The following NUP188 variants were observed in gnomAD, a reference collection of about 807,000 sequenced individuals.
NUP188 encodes nucleoporin NUP188.
NUP188 carries 97 observed loss-of-function variants against 223.0 expected under a neutral mutation model. The ratio of observed to expected loss-of-function variants is 0.43; its 90% CI spans 0.37 to 0.51. The LOEUF (loss-of-function observed/expected upper bound fraction) is 0.51, where lower values mean the gene tolerates loss of function less well. NUP188 is among the 20% of genes least tolerant of loss of function. The pLI is 0.00. For missense variants in NUP188, 1,947 were observed against 2,175.6 expected, an observed-to-expected ratio of 0.89 and a Z score of 2.09; for synonymous variants, 869 against 828.0, an observed-to-expected ratio of 1.05 and a Z score of -0.85.
At chr9:128,950,978 G>T (rs1775295679) in intron 2 of NUP188, among the ~76,000 whole-genome samples, 1 of 152,042 alleles carries the variant, frequency 6.6e-6, no homozygotes. Context: ...CTTGGCTGCT[G>T]AGAGTAGGGG....
At position 129,003,466 on chromosome 9, in the gene NUP188, A is replaced by G; in HGVS notation, c.4434+12A>G. ...TGCGTGATATCCAGGTGGGGGCCCA[A>G]GATGGTGTCTTGGAGTCTGGGGTAA... On this transcript the variant is annotated intron_variant, in intron 38 of 43. Coordinates refer to ENST00000372577, the MANE Select transcript of NUP188 (RefSeq NM_015354.3). 2 of 1,607,482 alleles carry G rather than the reference A, an allele frequency of 1.2e-6. No homozygotes were observed. Among genetic ancestry groups the G allele is most frequent in the African/African-American group, 1.3e-5 (1 of 75,042 alleles).
At chr9:128,955,099 C>T (rs1317698428) in intron 3 of NUP188, among the ~76,000 whole-genome samples, 1 of 151,984 alleles carries the variant, frequency 6.6e-6, no homozygotes, top group Admixed American at 6.6e-5. Flanking sequence ...GATCCGCCCG[C>T]CTCAGCCTCC....
chr9:129,003,044 C>T (rs1842702318), intron 37 of NUP188, 69 bp downstream of exon 37: 2 of 1,547,280 alleles, frequency 1.3e-6, no homozygotes, highest in East Asian at 2.3e-5. Flanking sequence ...ATTCATGGGG[C>T]AGGTGGGTGT....
chr9:128,984,689 T>A (rs1346131302), intron 19 of NUP188, among the ~76,000 whole-genome samples: 8 of 152,290 alleles, frequency 5.3e-5, no homozygotes, highest in South Asian at 4.1e-4. Context: ...TTCCTTTGAT[T>A]TTTTTACTTT....
At chr9:128,970,988 G>A (rs1329549087) in intron 11 of NUP188, 30 bp downstream of exon 11, 1 of 1,547,668 alleles carries the variant, frequency 6.5e-7, no homozygotes. Flanking sequence ...TGGTGAGCAT[G>A]GGAGTGAGCC....
At chr9:128,955,987 C>CCTTT (rs71383622) in intron 3 of NUP188, among the ~76,000 whole-genome samples, 113,967 of 151,338 alleles carry the variant, frequency 0.75, 43,766 homozygotes, top group African/African-American at 0.91. Context: ...AGTTATTTAC[C>CCTTT]CTAAGTGCTG....
chr9:129,006,872 G>A lies in NUP188; in HGVS notation c.*194G>A. 3.8e-6 allele frequency: 2 copies of A among 526,402 alleles called. No homozygotes were observed. Among genetic ancestry groups the A allele is most frequent in the Non-Finnish European group, 3.3e-6 (1 of 306,874 alleles). 32.6% of individuals were successfully genotyped at this position (526,402 alleles called of 1,614,324 possible). Reference sequence around the variant, plus strand: ...AGATGAAGAGGTCAACAGCAGGCATGGGGAGCCGAGTCTTCTGTGCTCAGG... The same window carrying A: ...AGATGAAGAGGTCAACAGCAGGCATAGGGAGCCGAGTCTTCTGTGCTCAGG... On this transcript the variant is annotated 3_prime_UTR_variant, in exon 44 of 44. Coordinates refer to ENST00000372577, the MANE Select transcript of NUP188 (RefSeq NM_015354.3).
At chr9:128,991,660 G>A (rs190309010) in intron 25 of NUP188, among the ~76,000 whole-genome samples, 9 of 151,798 alleles carry the variant, frequency 5.9e-5, no homozygotes, top group Admixed American at 1.3e-4. Flanking sequence ...TGGGCAACAC[G>A]GTGAAACCCC....
chr9:128,959,934 T>C (rs1365163305), intron 8 of NUP188, among the ~76,000 whole-genome samples: 1 of 152,198 alleles, frequency 6.6e-6, no homozygotes, highest in Admixed American at 6.5e-5. Flanking sequence ...TGACTTTTTT[T>C]CAATCCCATT....
chr9:129,004,154 G>A (rs913540628), intron 38 of NUP188, among the ~76,000 whole-genome samples: 2 of 151,742 alleles, frequency 1.3e-5, no homozygotes, highest in African/African-American at 2.4e-5. Context: ...GCACACGCCT[G>A]TAGTCCCAGC....
intron 19 of NUP188, among the ~76,000 whole-genome samples, chr9:128,984,622 T>A (rs184116404): frequency 6.6e-6 from 1 of 152,320 alleles, no homozygotes; most frequent in East Asian, 1.9e-4. Flanking sequence ...ACAGGCTCCA[T>A]CTTACTACCT....
rs1842663801 is a variant in NUP188, at chr9:129,001,423, T to C, written c.3844-106T>C. On this transcript the variant is annotated intron_variant, in intron 34 of 43. Coordinates refer to ENST00000372577, the MANE Select transcript of NUP188 (RefSeq NM_015354.3). ...TGTGTTACTCAAGCTCACTTAGCAA[T>C]GTGTGTAACCAAGCAGGTCTTGGGC... The C allele has an allele frequency of 6.6e-6, 6 of 913,654 alleles. No individual in the cohort carries two copies. The Admixed American group carries it at 8.9e-5, about 14-fold the overall frequency. The allele number at this position is 913,654 out of a possible 1,614,324, so 56.6% of individuals were successfully genotyped here. A position where few individuals can be genotyped will look rare whatever the true frequency, so the allele number is the denominator to read the frequency against.
chr9:128,960,989 G>A (rs1406819792), intron 8 of NUP188, among the ~76,000 whole-genome samples: 1 of 151,714 alleles, frequency 6.6e-6, no homozygotes, highest in Non-Finnish European at 1.5e-5. Context: ...GGAGGCTGGA[G>A]TGGGAGATTC....
Position 128,994,504 on chromosome 9 carries a change from G to C in NUP188, c.3087+62G>C, listed in dbSNP as rs181900392. 3,075 of 1,117,708 alleles carry C rather than the reference G, an allele frequency of 2.8e-3. 6 individuals carry two copies. The highest frequency in any genetic ancestry group is 3.7e-3 in the Non-Finnish European group (2,729 of 734,474). The allele number at this position is 1,117,708 out of a possible 1,614,324, so 69.2% of individuals were successfully genotyped here. ...TCCCTTGGAGGAAAGGCTGTGGGCT[G>C]TGAGATGGGGCCGTAGACAATGATA... On this transcript the variant is annotated intron_variant, in intron 28 of 43. Coordinates refer to ENST00000372577, the MANE Select transcript of NUP188 (RefSeq NM_015354.3).
intron 3 of NUP188, among the ~76,000 whole-genome samples, chr9:128,954,628 C>T (rs1169469818): frequency 6.6e-6 from 1 of 152,012 alleles, no homozygotes; most frequent in Non-Finnish European, 1.5e-5. Context: ...TCATGATCCG[C>T]CCGCCTCGGC....
chr9:128,985,864 C>T (rs1230471365), intron 20 of NUP188, among the ~76,000 whole-genome samples: 1 of 152,074 alleles, frequency 6.6e-6, no homozygotes, highest in African/African-American at 2.4e-5. Context: ...CATGGTGAAA[C>T]CTCATCTCTA....
At chr9:128,957,863 A>G in intron 5 of NUP188, 147 bp from the exon 6 acceptor site, 1 of 629,926 alleles carries the variant, frequency 1.6e-6, no homozygotes, top group Non-Finnish European at 2.8e-6. Flanking sequence ...GTTTGGGTAC[A>G]TTTGGGTAAA....
rs774092183 is a variant in NUP188 at position 128,949,170 on chromosome 9, C to T, written c.33-19C>T. On this transcript the variant is annotated intron_variant, in intron 1 of 43. Transcript: ENST00000372577. ...ATGATCAGAAAGAGCAAAATTACCT[C>T]TGTTCTCTCATTTTGCAGGAGCAGT... 5 of 1,603,278 alleles carry T rather than the reference C, an allele frequency of 3.1e-6. No individual in the cohort carries two copies. In the South Asian group the frequency reaches 5.5e-5, roughly 18 times the overall value.
Position 128,993,672 on chromosome 9 carries a change from G to A in NUP188, c.2995G>A (p.Ala999Thr). 6.2e-7 allele frequency: 1 copy of A among 1,614,162 alleles called. No homozygotes were observed. The highest frequency in any genetic ancestry group is 8.5e-7 in the Non-Finnish European group (1 of 1,180,026). Residue 999 changes from alanine to threonine, a missense_variant, in exon 27 of 44, where the codon GCC becomes ACC. Physicochemically the swap from Ala to Thr is moderately conservative, Grantham distance 58. This residue lies in a region of NUP188 where 905 missense variants were observed against 990.6 expected (regional missense o/e 0.91). Coordinates refer to ENST00000372577, the MANE Select transcript of NUP188 (RefSeq NM_015354.3). ...TCTGTGGCAGGATCGGAGGGACAGT[G>A]CCATGCTGGTCCTCCGAACCAAGTA... Reference protein sequence around the residue: ...HALWQDRRDSAMLVLRTKPKF... With the variant: ...HALWQDRRDSTMLVLRTKPKF...
Sources: allele counts gnomAD v4.1 joint callset (sites outside exome capture counted in the v4.1 genomes callset), GRCh38; gene constraint gnomAD v4.1.1; regional missense constraint gnomAD v4.1.1; transcripts MANE v1.5; gene names NCBI Gene and HGNC (gene_info 2026-07-23, HGNC 2026-07-21).